The following PDCD4 variants were observed in gnomAD, a reference collection of about 807,000 sequenced individuals.
PDCD4 encodes programmed cell death protein 4.
PDCD4 carries 56 observed loss-of-function variants against 54.0 expected under a neutral mutation model. The ratio of observed to expected loss-of-function variants is 1.04; its 90% CI spans 0.84 to 1.30. PDCD4 has a LOEUF of 1.30. PDCD4 is among the 50% of genes most tolerant of loss of function. The probability of loss-of-function intolerance (pLI) is 0.00; values close to 1 mark genes in which losing one functional copy is unlikely to be tolerated. For missense variants in PDCD4, 584 were observed against 559.8 expected (o/e 1.04, Z -0.44); for synonymous variants, 186 against 194.8 (o/e 0.95, Z 0.37).
intron 10 of PDCD4, among the ~76,000 whole-genome samples, chr10:110,895,047 G>T (rs559107551): frequency 4.6e-5 from 7 of 151,880 alleles, no homozygotes; most frequent in African/African-American, 1.7e-4. Context: ...TTTTAGCTAT[G>T]TAACCAGTTT....
Position 110,899,289 on chromosome 10 carries a change from T to TA in PDCD4, c.*1202dup, listed in dbSNP as rs1373445108. 5 of 152,212 alleles carry TA rather than the reference T, an allele frequency of 3.3e-5. No homozygotes were observed. Among genetic ancestry groups the TA allele is most frequent in the African/African-American group, 1.2e-4 (5 of 41,452 alleles). 9.4% of individuals were successfully genotyped at this position (152,212 alleles called of 1,614,324 possible). On this transcript the variant is annotated 3_prime_UTR_variant, in exon 12 of 12. Transcript: ENST00000280154. ...GGAGTATACTGCTTACAGGTTTAGA[T>TA]ATAGTCTGTTAGAATTAAAACCAAG...
chr10:110,875,853 T>C (rs1845495360), intron 1 of PDCD4, 113 bp from the exon 2 acceptor site: 4 of 446,690 alleles, frequency 9.0e-6, no homozygotes. Context: ...TGGAATTGTG[T>C]GTTTTTTGTT....
chr10:110,872,363 C>T (rs1334121526), intron 1 of PDCD4: 1 of 152,290 alleles, frequency 6.6e-6, no homozygotes, highest in Non-Finnish European at 1.5e-5. Flanking sequence ...CAGCCCTCCT[C>T]CCCCTCTGGC....
intron 11 of PDCD4, among the ~76,000 whole-genome samples, chr10:110,896,386 G>C (rs1431833148): frequency 1.3e-5 from 2 of 152,168 alleles, no homozygotes; most frequent in African/African-American, 4.8e-5. Flanking sequence ...TGAGGCTTAG[G>C]GAGGTATAAT....
intron 2 of PDCD4, 35 bp from the exon 3 acceptor site, chr10:110,881,198 T>A: frequency 6.6e-7 from 1 of 1,510,002 alleles, no homozygotes; most frequent in Non-Finnish European, 9.1e-7. Context: ...ATACTTAAAA[T>A]ACTTAGAATT....
Position 110,875,985 on chromosome 10 carries a change from A to G in PDCD4, c.-43A>G, listed in dbSNP as rs1845497944. The G allele has an allele frequency of 6.9e-7, 1 of 1,447,992 alleles. No individual in the cohort carries two copies. The highest frequency in any genetic ancestry group is 9.5e-7 in the Non-Finnish European group (1 of 1,058,058). The allele number at this position is 1,447,992 out of a possible 1,614,324, so 89.7% of individuals were successfully genotyped here. On this transcript the variant is annotated 5_prime_UTR_variant, in exon 2 of 12. Coordinates refer to ENST00000280154, the MANE Select transcript of PDCD4 (RefSeq NM_014456.5). ...AAACAGATTCTGAAGGAAGATTTCC[A>G]TTAGGTAATTTGTTTAATCAGTGCA...
chr10:110,894,205 T>G lies in PDCD4; in HGVS notation c.1098+7T>G. 6.9e-7 allele frequency: 1 copy of G among 1,454,280 alleles called. No homozygotes were observed. Among genetic ancestry groups the G allele is most frequent in the South Asian group, 1.1e-5 (1 of 87,860 alleles). The allele number at this position is 1,454,280 out of a possible 1,614,324, so 90.1% of individuals were successfully genotyped here. A position where few individuals can be genotyped will look rare whatever the true frequency, so the allele number is the denominator to read the frequency against. On this transcript the variant is annotated splice_region_variant and intron_variant, in intron 9 of 11. Coordinates refer to ENST00000280154, the MANE Select transcript of PDCD4 (RefSeq NM_014456.5). The stretch of plus-strand genomic sequence containing the variant: ...CCATGAGCTTGTATATGAAGTAAGA[T>G]TACCTTGCCATGTCAAAGATAATTA...
chr10:110,883,685 C>T (rs1214196324), intron 4 of PDCD4, among the ~76,000 whole-genome samples: 1 of 151,934 alleles, frequency 6.6e-6, no homozygotes, highest in Non-Finnish European at 1.5e-5. Flanking sequence ...CTTTGCCCCA[C>T]CCTGTTTTGG....
At chr10:110,897,827 G>C (rs1398792703) in intron 11 of PDCD4, among the ~76,000 whole-genome samples, 3 of 151,016 alleles carry the variant, frequency 2.0e-5, no homozygotes, top group Non-Finnish European at 1.5e-5. Context: ...CAAAAACTCA[G>C]ATTTGATATT....
At chr10:110,889,221 C>CAAAA (rs34424151) in intron 6 of PDCD4, among the ~76,000 whole-genome samples, 1 of 70,450 alleles carries the variant, frequency 1.4e-5, no homozygotes, top group African/African-American at 5.7e-5. Context: ...GACTCTGTCT[C>CAAAA]AAAAAAAAAA....
chr10:110,893,158 A>C (rs1295909107), intron 8 of PDCD4, among the ~76,000 whole-genome samples: 12 of 152,012 alleles, frequency 7.9e-5, no homozygotes, highest in Non-Finnish European at 1.0e-4. Flanking sequence ...CTGTTAAACG[A>C]TGCATGACTA....
In PDCD4 at chr10:110,894,088, T is replaced by A. The variant is rs1230759126; in HGVS notation, c.991-3T>A. 6.4e-7 allele frequency: 1 copy of A among 1,556,074 alleles called. No homozygotes were observed. Among genetic ancestry groups the A allele is most frequent in the East Asian group, 2.2e-5 (1 of 44,470 alleles). On this transcript the variant is annotated splice_polypyrimidine_tract_variant and splice_region_variant and intron_variant, in intron 8 of 11. Coordinates refer to ENST00000280154, the MANE Select transcript of PDCD4 (RefSeq NM_014456.5). The stretch of plus-strand genomic sequence containing the variant: ...GACACATCTCAACTTTTAAATCTAA[T>A]AGATTGATATGCTGCTGAAAGAATA...
rs767018039 is a variant in PDCD4, at chr10:110,898,162, T to C, written c.*74T>C. 3.9e-6 allele frequency: 3 copies of C among 774,228 alleles called. No individual in the cohort carries two copies. The highest frequency in any genetic ancestry group is 5.7e-6 in the Non-Finnish European group (3 of 530,494). The allele number at this position is 774,228 out of a possible 1,614,324, so 48.0% of individuals were successfully genotyped here. A position where few individuals can be genotyped will look rare whatever the true frequency, so the allele number is the denominator to read the frequency against. On this transcript the variant is annotated 3_prime_UTR_variant, in exon 12 of 12. Coordinates refer to ENST00000280154, the MANE Select transcript of PDCD4 (RefSeq NM_014456.5). ...TTGTAAGAGTTGTTAGCACAAGTTT[T>C]TTTTTTTTTTTTTTTTAAGCACTTG...
chr10:110,899,623 C>A lies in PDCD4; in HGVS notation c.*1535C>A, dbSNP rs1037856868. ...GACCAGCTTGACCAACATGAAGAAACCCTGTCTCTATTAAAAATACAAAAG... is the reference window on the plus strand; with the variant it reads ...GACCAGCTTGACCAACATGAAGAAAACCTGTCTCTATTAAAAATACAAAAG... On this transcript the variant is annotated 3_prime_UTR_variant, in exon 12 of 12. Coordinates refer to ENST00000280154, the MANE Select transcript of PDCD4 (RefSeq NM_014456.5). 2.6e-5 allele frequency: 4 copies of A among 152,066 alleles called. No individual in the cohort carries two copies. Among genetic ancestry groups the A allele is most frequent in the African/African-American group, 9.7e-5 (4 of 41,386 alleles). 9.4% of individuals were successfully genotyped at this position (152,066 alleles called of 1,614,324 possible).
intron 8 of PDCD4, chr10:110,890,961 C>T: frequency 9.3e-6 from 2 of 215,346 alleles, no homozygotes; most frequent in Non-Finnish European, 1.8e-5. Flanking sequence ...TAATAATTTT[C>T]AAATGCTGTT....
chr10:110,894,614 T>C, intron 10 of PDCD4, 92 bp downstream of exon 10: 3 of 628,692 alleles, frequency 4.8e-6, no homozygotes, highest in Admixed American at 5.6e-5. Flanking sequence ...AAATTTTCTT[T>C]AGGTATGTTT....
In PDCD4 at chr10:110,890,587, A is replaced by G. The variant is rs1564684394; in HGVS notation, c.907A>G (p.Ser303Gly). ...TCTGGATAAGGCTACCGTGCTTCTG[A>G]GTATGTCTAAAGGTGGAAAGCGTAA... The part of the protein sequence containing the change: ...AALDKATVLL[S>G]MSKGGKRKDS... Residue 303 changes from serine (S) to glycine (G), a missense_variant, in exon 8 of 12, where the codon AGT becomes GGT. Coordinates refer to ENST00000280154, the MANE Select transcript of PDCD4 (RefSeq NM_014456.5). 5.0e-6 allele frequency: 8 copies of G among 1,612,918 alleles called. No individual in the cohort carries two copies. The highest frequency in any genetic ancestry group is 5.9e-6 in the Non-Finnish European group (7 of 1,179,310).
intron 11 of PDCD4, 150 bp downstream of exon 11, chr10:110,896,237 AGC>A: frequency 1.6e-6 from 1 of 622,582 alleles, no homozygotes; most frequent in East Asian, 2.9e-5. Context: ...AGCTTGTTTT[AGC>A]CCCCTTGTAA....
chr10:110,894,507 A>T lies in PDCD4; in HGVS notation c.1194A>T (p.Val398=). 7.0e-7 allele frequency: 1 copy of T among 1,422,204 alleles called. No homozygotes were observed. Among genetic ancestry groups the T allele is most frequent in the Non-Finnish European group, 9.9e-7 (1 of 1,010,576 alleles). The allele number at this position is 1,422,204 out of a possible 1,614,324, so 88.1% of individuals were successfully genotyped here. The change falls in exon 10 of 12, where the codon GTA becomes GTT. Residue 398 remains valine, a synonymous_variant. Transcript: ENST00000280154. The part of the protein sequence containing the change: ...KSLWKSSTIT[V]DQMKRGYERI... ...TTTGGAAGTCTTCTACCATTACTGT[A>T]GACCAAATGAAAAGAGTAAGTATAA...
Sources: allele counts gnomAD v4.1 joint callset (sites outside exome capture counted in the v4.1 genomes callset), GRCh38; gene constraint gnomAD v4.1.1; transcripts MANE v1.5; gene names NCBI Gene and HGNC (gene_info 2026-07-23, HGNC 2026-07-21).